Variants in LZTFL1 observed in about 807,000 individuals in gnomAD.
LZTFL1 encodes the protein leucine zipper transcription factor like 1.
In LZTFL1, 25 loss-of-function variants were observed where a neutral mutation model predicts 45.9. The ratio of observed to expected loss-of-function variants is 0.54; its 90% confidence interval spans 0.40 to 0.76. The LOEUF is 0.76. Ranked by LOEUF, LZTFL1 falls within the 30% of genes least tolerant of loss-of-function variation. The pLI is 0.00. For missense variants in LZTFL1, 277 were observed against 331.1 expected (o/e 0.84, Z 1.27); for synonymous variants, 93 against 117.4 (o/e 0.79, Z 1.35).
At chr3:45,851,332 T>C (rs941821623) in intron 4 of LZTFL1, among the ~76,000 whole-genome samples, 4 of 151,652 alleles carry the variant, frequency 2.6e-5, no homozygotes, top group Admixed American at 2.6e-4. Flanking sequence ...GTTCAAGCGA[T>C]TCTCCTGCAT....
chr3:45,863,622 C>A (rs1384520582), intron 2 of LZTFL1, among the ~76,000 whole-genome samples: 1 of 152,130 alleles, frequency 6.6e-6, no homozygotes, highest in African/African-American at 2.4e-5. Flanking sequence ...CGCAGTCTAG[C>A]CAAAGATGTT....
In LZTFL1 at chr3:45,842,082, G is replaced by A. The variant is rs916177075; in HGVS notation, c.-91C>T. 22 of 1,577,190 alleles carry A rather than the reference G, an allele frequency of 1.4e-5. No homozygotes were observed. Among genetic ancestry groups the A allele is most frequent in the Non-Finnish European group, 1.8e-5 (21 of 1,164,264 alleles). On this transcript the variant is annotated 5_prime_UTR_variant, in exon 1 of 10. Transcript: ENST00000296135. Reference sequence around the variant, plus strand: ...GATCGCCGAGGGTAGTTGGACCACAGAAAATGGGGAAGGAGGGTAGGTTGT... The same window carrying A: ...GATCGCCGAGGGTAGTTGGACCACAAAAAATGGGGAAGGAGGGTAGGTTGT...
In LZTFL1 at chr3:45,827,365, C is replaced by CTT; in HGVS notation, c.870_871dup (p.Arg291LysfsTer47). ...GATCAGTGTGGCTTACTGTGCCAGT[C>CTT]TTTTCCTCAGATCTTTGATTTGGTC... On this transcript the variant is annotated frameshift_variant, in exon 9 of 10. Transcript: ENST00000296135. LOFTEE classifies it high-confidence loss of function. 6.2e-7 allele frequency: 1 copy of CTT among 1,610,604 alleles called. No individual in the cohort carries two copies. The highest frequency in any genetic ancestry group is 8.5e-7 in the Non-Finnish European group (1 of 1,176,886).
At chr3:45,868,056 C>CT (rs1264139641) in intron 2 of LZTFL1, among the ~76,000 whole-genome samples, 1 of 147,674 alleles carries the variant, frequency 6.8e-6, no homozygotes, top group Non-Finnish European at 1.5e-5. Context: ...AATTGCTGCC[C>CT]TTGAATCCTT....
At chr3:45,877,801 A>G (rs1233161768) in intron 2 of LZTFL1, among the ~76,000 whole-genome samples, 2 of 146,096 alleles carry the variant, frequency 1.4e-5, no homozygotes, top group East Asian at 2.0e-4. Flanking sequence ...GCTGGAGTGC[A>G]GTGGCTTGAT....
At chr3:45,904,163 A>G (rs1471533044) in intron 2 of LZTFL1, among the ~76,000 whole-genome samples, 3 of 152,192 alleles carry the variant, frequency 2.0e-5, no homozygotes, top group African/African-American at 7.2e-5. Context: ...ACTCCTCATC[A>G]CACACAAATT....
chr3:45,840,676 C>T (rs1438195392), intron 1 of LZTFL1, among the ~76,000 whole-genome samples: 1 of 152,164 alleles, frequency 6.6e-6, no homozygotes, highest in East Asian at 1.9e-4. Flanking sequence ...CAGAGCATTG[C>T]CAAGCTAGTG....
intron 2 of LZTFL1, among the ~76,000 whole-genome samples, chr3:45,872,448 AACTCTC>A (rs1159918522): frequency 2.6e-5 from 4 of 152,176 alleles, no homozygotes; most frequent in African/African-American, 9.7e-5. Context: ...AGTAAGCTGA[AACTCTC>A]ACTGAGGAGA....
chr3:45,854,901 A>T, intron 4 of LZTFL1: 1 of 952,714 alleles, frequency 1.0e-6, no homozygotes, highest in Non-Finnish European at 1.6e-6. Context: ...TGTCCCATTC[A>T]TCTAATCTGG....
intron 2 of LZTFL1, among the ~76,000 whole-genome samples, chr3:45,910,527 G>T (rs1045580822): frequency 4.6e-5 from 7 of 152,290 alleles, no homozygotes; most frequent in African/African-American, 1.4e-4. Context: ...CAGCGACCTG[G>T]CTAGGAGCAG....
intron 2 of LZTFL1, among the ~76,000 whole-genome samples, chr3:45,899,023 A>G (rs1213286182): frequency 1.5e-4 from 23 of 151,944 alleles, no homozygotes; most frequent in Non-Finnish European, 2.2e-4. Flanking sequence ...AAAATTAGCC[A>G]GGCATGGTGG....
chr3:45,911,196 C>T (rs1559431604), intron 2 of LZTFL1, among the ~76,000 whole-genome samples: 1 of 152,040 alleles, frequency 6.6e-6, no homozygotes. Context: ...TCAAGGGACT[C>T]GAGACTCCAC....
At chr3:45,845,101 G>GT (rs747266100), upstream of LZTFL1, among the ~76,000 whole-genome samples, 3 of 152,100 alleles carry the variant, frequency 2.0e-5, no homozygotes, top group Non-Finnish European at 4.4e-5. Flanking sequence ...AAAATTGATT[G>GT]TAAAGATGAT....
rs779131054 is a variant in LZTFL1 at position 45,900,855 on chromosome 3, T to A, written c.-215+12265A>T. The A allele has an allele frequency of 1.2e-6, 2 of 1,614,092 alleles. No individual in the cohort carries two copies. Among genetic ancestry groups the A allele is most frequent in the Admixed American group, 1.7e-5 (1 of 60,028 alleles). On this transcript the variant is annotated intron_variant, in intron 2 of 4. Coordinates refer to the LZTFL1 transcript ENST00000472635. This position sits in a 1 kb window ranked among gnomAD's most constrained non-coding sequence, Gnocchi z 4.7. ...TGATGACTATGGCTCTGAATCCACA[T>A]CTTCCATGGAAGACTACGTTAACTT...
In LZTFL1 at chr3:45,856,658, T is replaced by C. The variant is rs566597436; in HGVS notation, c.-137-1584A>G. Among the ~76,000 whole-genome samples, 37 of 151,784 alleles carry C rather than the reference T, an allele frequency of 2.4e-4. 1 individual carries two copies. Among genetic ancestry groups the C allele is most frequent in the Admixed American group, 2.0e-3 (31 of 15,266 alleles). On this transcript the variant is annotated intron_variant, in intron 3 of 4. Coordinates refer to the LZTFL1 transcript ENST00000472635. ...TCTAACAAAGGTCTAATATCCAAAA[T>C]CTACAAGGAACTTAAATACATTTAC...
upstream of LZTFL1, chr3:45,842,179 G>T: frequency 4.1e-6 from 6 of 1,463,834 alleles, no homozygotes; most frequent in Non-Finnish European, 5.4e-6. Flanking sequence ...TGGTCCTCAG[G>T]ATCACGCGAC....
intron 2 of LZTFL1, among the ~76,000 whole-genome samples, chr3:45,898,259 C>T (rs566855609): frequency 6.6e-6 from 1 of 152,288 alleles, no homozygotes; most frequent in African/African-American, 2.4e-5. Context: ...TACAGGACGA[C>T]TGTCTTAGTG....
chr3:45,911,124 G>A (rs375856736), intron 2 of LZTFL1, among the ~76,000 whole-genome samples: 7 of 152,270 alleles, frequency 4.6e-5, no homozygotes, highest in Non-Finnish European at 8.8e-5. Flanking sequence ...ACATGGCACC[G>A]GAAGCCACAC....
chr3:45,873,130 T>G (rs1343750448), intron 2 of LZTFL1, among the ~76,000 whole-genome samples: 1 of 152,232 alleles, frequency 6.6e-6, no homozygotes, highest in South Asian at 2.1e-4. Flanking sequence ...ATTTCCCCAC[T>G]GCTAGTCCTA....
Sources: gnomAD v4.1 joint callset for allele counts (sites outside exome capture counted in the v4.1 genomes callset) on GRCh38, gnomAD v4.1.1 for gene constraint, Gnocchi (gnomAD v3.1) non-coding constraint, MANE v1.5 for transcripts, NCBI Gene and HGNC (gene_info 2026-07-23, HGNC 2026-07-21) for gene names.